The following AGAP1 variants were observed in gnomAD, a reference collection of about 807,000 sequenced individuals.
AGAP1 encodes arf-GAP with GTPase, ANK repeat and PH domain-containing protein 1.
In AGAP1, 29 loss-of-function variants were observed where a neutral mutation model predicts 105.3. That is an observed-to-expected ratio of 0.28 (90% confidence interval 0.21 to 0.38). AGAP1 has a LOEUF of 0.38. Among genes scored for constraint, AGAP1 ranks in the 10% least tolerant of loss-of-function variants. The pLI is 1.00. For synonymous variants in AGAP1, 509 were observed against 485.9 expected, an observed-to-expected ratio of 1.05 and a Z score of -0.63; for missense variants, 998 against 1,165.1, an observed-to-expected ratio of 0.86 and a Z score of 2.09.
At chr2:235,850,117 T>C (rs1962017270) in intron 9 of AGAP1, among the ~76,000 whole-genome samples, 1 of 152,168 alleles carries the variant, frequency 6.6e-6, no homozygotes, top group South Asian at 2.1e-4. Flanking sequence ...ACAGCACCTC[T>C]TAACAGTGCT....
intron 16 of AGAP1, among the ~76,000 whole-genome samples, chr2:236,067,428 A>G (rs1270392520): frequency 6.6e-6 from 1 of 152,232 alleles, no homozygotes; most frequent in Non-Finnish European, 1.5e-5. Flanking sequence ...GAGCAAGTTC[A>G]GAAACATCGT....
chr2:235,590,493 G>A (rs1436478421), intron 1 of AGAP1, among the ~76,000 whole-genome samples: 4 of 152,022 alleles, frequency 2.6e-5, no homozygotes, highest in African/African-American at 9.7e-5. Flanking sequence ...AGGGACGGGA[G>A]GCTGGAAACC....
intron 1 of AGAP1, among the ~76,000 whole-genome samples, chr2:235,671,633 G>A (rs1234339284): frequency 6.6e-6 from 1 of 152,332 alleles, no homozygotes; most frequent in Admixed American, 6.5e-5. Context: ...GTGGGACGGA[G>A]GCCCCTCTCT....
chr2:235,682,796 A>ATGTGTGTGTGTG (rs1949151444), intron 1 of AGAP1, among the ~76,000 whole-genome samples: 1 of 65,508 alleles, frequency 1.5e-5, no homozygotes, highest in Non-Finnish European at 2.7e-5. Flanking sequence ...GTGTGTGCAC[A>ATGTGTGTGTGTG]CGTGTGTGTG....
rs1438754001 is a variant in AGAP1 at position 235,629,048 on chromosome 2, G to A, written c.164-80131G>A. 7.2e-5 allele frequency among the ~76,000 whole-genome samples: 11 copies of A among 152,142 alleles called. No homozygotes were observed. The East Asian group carries it at 2.1e-3, about 29-fold the overall frequency. ...GCTGGTCTCAAACTCCTGACCTCAT[G>A]ATCCAGCCGCCTTGGCCTCCCAAAG... On this transcript the variant is annotated intron_variant, in intron 1 of 17. Coordinates refer to ENST00000304032, the MANE Select transcript of AGAP1 (RefSeq NM_001037131.3).
chr2:235,585,753 G>A (rs35062798), intron 1 of AGAP1, among the ~76,000 whole-genome samples: 3,929 of 152,240 alleles, frequency 0.026, 59 homozygotes, highest in Middle Eastern at 0.044. Flanking sequence ...ACCAACAGGT[G>A]CATTCAAACC....
rs927812381 is a variant in AGAP1, at chr2:235,842,222, A to C, written c.1050+34891A>C. On this transcript the variant is annotated intron_variant, in intron 9 of 17. Coordinates refer to ENST00000304032, the MANE Select transcript of AGAP1 (RefSeq NM_001037131.3). This position sits in a 1 kb window ranked among gnomAD's most constrained non-coding sequence, Gnocchi z 5.3. Reference sequence around the variant, plus strand: ...TTCTTCACTGTGGTTCTGTAGATAGAATTCAGGGGTCCGCGAATGTGGCTG... The same window carrying C: ...TTCTTCACTGTGGTTCTGTAGATAGCATTCAGGGGTCCGCGAATGTGGCTG... Among the ~76,000 whole-genome samples, 7 of 152,280 alleles carry C rather than the reference A, an allele frequency of 4.6e-5. No individual in the cohort carries two copies. Among genetic ancestry groups the C allele is most frequent in the Admixed American group, 3.9e-4 (6 of 15,300 alleles).
intron 3 of AGAP1, among the ~76,000 whole-genome samples, chr2:235,722,985 C>T (rs544847812): frequency 6.6e-6 from 1 of 152,188 alleles, no homozygotes; most frequent in African/African-American, 2.4e-5. Flanking sequence ...TCCTGGTTGG[C>T]AGGTTAGAGA....
At chr2:235,918,140 T>G (rs545773077) in intron 11 of AGAP1, among the ~76,000 whole-genome samples, 6 of 152,338 alleles carry the variant, frequency 3.9e-5, no homozygotes, top group African/African-American at 1.4e-4. Flanking sequence ...AGATCCTTGC[T>G]TCCCACTCAT....
rs573955943 is a variant in AGAP1 at position 235,852,888 on chromosome 2, G to A, written c.1051-30457G>A. ...TTAACATAGAGGTGAACTCCAGATC[G>A]GCCGATAGCTTGCAGGCCGCTGCTG... is the stretch of plus-strand genomic sequence containing the variant. On this transcript the variant is annotated intron_variant, in intron 9 of 17. Transcript: ENST00000304032. 97 of 1,340,342 alleles carry A rather than the reference G, an allele frequency of 7.2e-5. No individual in the cohort carries two copies. The African/African-American group carries it at 1.2e-3, about 16-fold the overall frequency. 83.0% of individuals were successfully genotyped at this position (1,340,342 alleles called of 1,614,324 possible).
At chr2:235,528,767 C>T (rs572266854) in intron 1 of AGAP1, among the ~76,000 whole-genome samples, 1 of 152,228 alleles carries the variant, frequency 6.6e-6, no homozygotes, top group Non-Finnish European at 1.5e-5. Context: ...ACCTCCGCCT[C>T]CCGGGTTGCA....
In AGAP1 at chr2:235,586,770, C is replaced by T. The variant is rs1945125911; in HGVS notation, c.163+91921C>T. Among the ~76,000 whole-genome samples the T allele has an allele frequency of 6.6e-6, 1 of 152,190 alleles. No individual in the cohort carries two copies. Among genetic ancestry groups the T allele is most frequent in the Non-Finnish European group, 1.5e-5 (1 of 68,048 alleles). Reference sequence around the variant, plus strand: ...GCTGTTCCATCAGAGGAAACATAGTCTGGGGGACAAATCCTCCCATTCCTG... The same window carrying T: ...GCTGTTCCATCAGAGGAAACATAGTTTGGGGGACAAATCCTCCCATTCCTG... On this transcript the variant is annotated intron_variant, in intron 1 of 17. Coordinates refer to ENST00000304032, the MANE Select transcript of AGAP1 (RefSeq NM_001037131.3). This position sits in a 1 kb window ranked among gnomAD's most constrained non-coding sequence, Gnocchi z 4.2.
At chr2:236,060,564 C>T (rs769465860) in intron 16 of AGAP1, among the ~76,000 whole-genome samples, 16 of 152,052 alleles carry the variant, frequency 1.1e-4, no homozygotes, top group Non-Finnish European at 2.2e-4. Context: ...GTGACGTGCA[C>T]CTGTGGTCAT....
chr2:236,053,617 G>A lies in AGAP1; in HGVS notation c.2114+4336G>A, dbSNP rs1663997391. ...CTTGGCAGAAGCCTCGCTCTGCGTG[G>A]CACTGCATCTCCCCATCTTTGTGTC... On this transcript the variant is annotated intron_variant, in intron 16 of 17. Coordinates refer to ENST00000304032, the MANE Select transcript of AGAP1 (RefSeq NM_001037131.3). This position sits in a 1 kb window ranked among gnomAD's most constrained non-coding sequence, Gnocchi z 4.6. Among the ~76,000 whole-genome samples, 3 of 152,274 alleles carry A rather than the reference G, an allele frequency of 2.0e-5. No individual in the cohort carries two copies. Among genetic ancestry groups the A allele is most frequent in the Admixed American group, 2.0e-4 (3 of 15,286 alleles).
In AGAP1 at chr2:236,041,156, A is replaced by T. The variant is rs535816495; in HGVS notation, c.1891+315A>T. On this transcript the variant is annotated intron_variant, in intron 15 of 17. Coordinates refer to ENST00000304032, the MANE Select transcript of AGAP1 (RefSeq NM_001037131.3). ...TGTGCCAAATCTAGGAAGCCCAGGA[A>T]TTCAAGACGAGCCTGGGCAACACAG... Among the ~76,000 whole-genome samples the T allele has an allele frequency of 2.0e-5, 3 of 152,234 alleles. No individual in the cohort carries two copies. In the South Asian group the frequency reaches 6.2e-4, roughly 32 times the overall value.
At chr2:235,528,864 A>G (rs1308875214) in intron 1 of AGAP1, among the ~76,000 whole-genome samples, 1 of 69,978 alleles carries the variant, frequency 1.4e-5, no homozygotes, top group African/African-American at 6.1e-5. Flanking sequence ...TTTAGTACAG[A>G]TGGGATTTTA....
At position 235,631,438 on chromosome 2, in the gene AGAP1, A is replaced by T. The variant is rs993473824; in HGVS notation, c.164-77741A>T. On this transcript the variant is annotated intron_variant, in intron 1 of 17. Coordinates refer to ENST00000304032, the MANE Select transcript of AGAP1 (RefSeq NM_001037131.3). The surrounding 1 kb of genome is among the most constrained non-coding windows in gnomAD (Gnocchi z 5.4). ...AAGGAGGACAGCCTCCGGGTGGGCCATCACTGCTGGTAGAGAGGGTTTCTG... is the reference window on the plus strand; with the variant it reads ...AAGGAGGACAGCCTCCGGGTGGGCCTTCACTGCTGGTAGAGAGGGTTTCTG... Among the ~76,000 whole-genome samples, 3 of 152,220 alleles carry T rather than the reference A, an allele frequency of 2.0e-5. No individual in the cohort carries two copies. The highest frequency in any genetic ancestry group is 7.2e-5 in the African/African-American group (3 of 41,470).
intron 1 of AGAP1, among the ~76,000 whole-genome samples, chr2:235,649,124 A>G (rs1363183714): frequency 6.6e-6 from 1 of 152,144 alleles, no homozygotes; most frequent in Non-Finnish European, 1.5e-5. Flanking sequence ...ATTGAGTTGC[A>G]TTGCTCTCTG....
rs1948006380 is a variant in AGAP1 at position 235,662,848 on chromosome 2, T to C, written c.164-46331T>C. On this transcript the variant is annotated intron_variant, in intron 1 of 17. Transcript: ENST00000304032. This position sits in a 1 kb window ranked among gnomAD's most constrained non-coding sequence, Gnocchi z 4.2. ...AGTGCTCCTGGCCACTGCTGACTGGTGCATGGCGAGCAGAGGTTTTATTCC... is the reference window on the plus strand; with the variant it reads ...AGTGCTCCTGGCCACTGCTGACTGGCGCATGGCGAGCAGAGGTTTTATTCC... 6.6e-6 allele frequency among the ~76,000 whole-genome samples: 1 copy of C among 152,204 alleles called. No homozygotes were observed. Among genetic ancestry groups the C allele is most frequent in the South Asian group, 2.1e-4 (1 of 4,836 alleles).
Sources: allele counts gnomAD v4.1 joint callset (sites outside exome capture counted in the v4.1 genomes callset), GRCh38; gene constraint gnomAD v4.1.1; non-coding constraint Gnocchi (gnomAD v3.1); transcripts MANE v1.5; gene names NCBI Gene and HGNC (gene_info 2026-07-23, HGNC 2026-07-21).